SHANK2: variants seen among roughly 807,000 people sequenced by gnomAD.
The protein encoded by SHANK2 is SH3 and multiple ankyrin repeat domains protein 2.
In SHANK2, 43 loss-of-function variants were observed where a neutral mutation model predicts 133.7. The ratio of observed to expected loss-of-function variants is 0.32; its 90% CI spans 0.25 to 0.41. SHANK2 has a LOEUF of 0.41. SHANK2 is among the 10% of genes least tolerant of loss of function. The probability of loss-of-function intolerance (pLI) is 1.00; values close to 1 mark genes in which losing one functional copy is unlikely to be tolerated. For missense variants in SHANK2, 1,994 were observed against 2,235.8 expected, an observed-to-expected ratio of 0.89 and a Z score of 2.18; for synonymous variants, 1,017 against 952.8, an observed-to-expected ratio of 1.07 and a Z score of -1.24.
intron 11 of SHANK2, among the ~76,000 whole-genome samples, chr11:70,881,092 A>C (rs1469688657): frequency 2.0e-5 from 3 of 152,220 alleles, no homozygotes; most frequent in Admixed American, 2.0e-4. Context: ...GGCTGAAGCA[A>C]AGTGGCCCGA....
chr11:70,557,618 A>G (rs1565128032), intron 17 of SHANK2, among the ~76,000 whole-genome samples: 1 of 151,792 alleles, frequency 6.6e-6, no homozygotes, highest in African/African-American at 2.4e-5. Context: ...AAGAGCTGAC[A>G]GTGGGGCCTG....
Position 70,473,577 on chromosome 11 carries a change from G to T in SHANK2, c.4980-138C>A. 2 of 801,190 alleles carry T rather than the reference G, an allele frequency of 2.5e-6. No individual in the cohort carries two copies. The highest frequency in any genetic ancestry group is 4.1e-6 in the Non-Finnish European group (2 of 482,642). The allele number at this position is 801,190 out of a possible 1,614,324, so 49.6% of individuals were successfully genotyped here. On this transcript the variant is annotated intron_variant, in intron 25 of 25. Coordinates refer to ENST00000601538, the MANE Select transcript of SHANK2 (RefSeq NM_012309.5). This position sits in a 1 kb window ranked among gnomAD's most constrained non-coding sequence, Gnocchi z 5.9. ...AGTGGCAGATCCACTGGCAGTGAAC[G>T]AATGATTTGCCATGCCAGGGTGGGG... is the stretch of plus-strand genomic sequence containing the variant.
chr11:70,754,080 G>C (rs1157359804), intron 14 of SHANK2, among the ~76,000 whole-genome samples: 2 of 152,202 alleles, frequency 1.3e-5, no homozygotes, highest in African/African-American at 4.8e-5. Flanking sequence ...CCGAAGTGCT[G>C]GGATTACAGG....
At chr11:70,613,857 C>T (rs1014964444) in intron 17 of SHANK2, among the ~76,000 whole-genome samples, 4 of 149,388 alleles carry the variant, frequency 2.7e-5, no homozygotes, top group Admixed American at 1.3e-4. Flanking sequence ...CTCGGCCTCC[C>T]GGGTTCAAGC....
At chr11:71,237,626 T>A (rs1374562315) in intron 1 of SHANK2, among the ~76,000 whole-genome samples, 1 of 152,182 alleles carries the variant, frequency 6.6e-6, no homozygotes, top group Admixed American at 6.5e-5. Context: ...CCAGATCACA[T>A]CGTGGCACTT....
intron 14 of SHANK2, among the ~76,000 whole-genome samples, chr11:70,701,567 AT>A (rs1470224320): frequency 8.0e-5 from 12 of 150,106 alleles, no homozygotes; most frequent in Non-Finnish European, 1.5e-4. Context: ...CGCCCAGCTA[AT>A]TTTTATATTT....
chr11:70,843,603 A>C (rs1948949045), intron 11 of SHANK2, among the ~76,000 whole-genome samples: 1 of 151,852 alleles, frequency 6.6e-6, no homozygotes, highest in South Asian at 2.1e-4. Flanking sequence ...CTGTGAGGTC[A>C]CAAGGAGAAG....
intron 11 of SHANK2, among the ~76,000 whole-genome samples, chr11:70,873,911 G>A (rs1232592260): frequency 1.3e-5 from 2 of 152,252 alleles, no homozygotes; most frequent in African/African-American, 2.4e-5. Context: ...AACAGCTCCC[G>A]GGCGTCAGTG....
At chr11:70,527,238 ACCCCC>A (rs2059410827) in intron 17 of SHANK2, among the ~76,000 whole-genome samples, 1 of 151,796 alleles carries the variant, frequency 6.6e-6, no homozygotes, top group Non-Finnish European at 1.5e-5. Context: ...CCCTGTCCCC[ACCCCC>A]AGGACTCCTG....
At chr11:70,741,161 G>A (rs950752988) in intron 14 of SHANK2, among the ~76,000 whole-genome samples, 31 of 142,142 alleles carry the variant, frequency 2.2e-4, no homozygotes, top group African/African-American at 5.3e-4. Context: ...CAGAGGTGTC[G>A]CCTACCCATC....
intron 17 of SHANK2, among the ~76,000 whole-genome samples, chr11:70,625,189 C>T (rs1396958213): frequency 3.3e-5 from 5 of 152,134 alleles, no homozygotes; most frequent in African/African-American, 9.7e-5. Flanking sequence ...GGGTGTCTGC[C>T]GTCCTCCCTG....
rs1949675327 is a variant in SHANK2, at chr11:70,882,610, C to T, written c.1174+13891G>A. On this transcript the variant is annotated intron_variant, in intron 11 of 25. Transcript: ENST00000601538. This position sits in a 1 kb window ranked among gnomAD's most constrained non-coding sequence, Gnocchi z 4.2. ...AGTCTGTGCAGAAGCAGGCTTAGGT[C>T]AGAGGTAGGGCAGACCCCAAAACTT... is the stretch of plus-strand genomic sequence containing the variant. 6.6e-6 allele frequency among the ~76,000 whole-genome samples: 1 copy of T among 152,118 alleles called. No homozygotes were observed. The highest frequency in any genetic ancestry group is 6.5e-5 in the Admixed American group (1 of 15,272).
At chr11:70,549,871 C>T (rs977102671) in intron 17 of SHANK2, among the ~76,000 whole-genome samples, 17 of 152,236 alleles carry the variant, frequency 1.1e-4, no homozygotes, top group Admixed American at 5.9e-4. Flanking sequence ...AAGGGGCTTG[C>T]GAAAGACACA....
chr11:70,820,803 G>C (rs1461421944), intron 11 of SHANK2, 121 bp from the exon 12 acceptor site: 3 of 561,120 alleles, frequency 5.3e-6, no homozygotes, highest in Admixed American at 6.3e-5. Context: ...CCAGCAGAGG[G>C]GAGCTGTGAG....
intron 11 of SHANK2, among the ~76,000 whole-genome samples, chr11:70,875,623 G>A (rs892227446): frequency 2.0e-5 from 3 of 152,170 alleles, no homozygotes; most frequent in Admixed American, 2.0e-4. Flanking sequence ...CACTTTGGGA[G>A]GCCAAGGCAA....
At chr11:71,198,042 G>A (rs1953943665) in intron 2 of SHANK2, among the ~76,000 whole-genome samples, 1 of 152,228 alleles carries the variant, frequency 6.6e-6, no homozygotes. Flanking sequence ...TTCACTCTGT[G>A]TGCCGTTTCC....
rs1244043574 is a variant in SHANK2, at chr11:70,479,884, A to G, written c.4979+5430T>C. Among the ~76,000 whole-genome samples, 2 of 152,234 alleles carry G rather than the reference A, an allele frequency of 1.3e-5. No homozygotes were observed. The highest frequency in any genetic ancestry group is 4.8e-5 in the African/African-American group (2 of 41,464). On this transcript the variant is annotated intron_variant, in intron 25 of 25. Coordinates refer to ENST00000601538, the MANE Select transcript of SHANK2 (RefSeq NM_012309.5). This position sits in a 1 kb window ranked among gnomAD's most constrained non-coding sequence, Gnocchi z 4.4. ...AGTTTGTTTTGGGTCAAAGCATATA[A>G]GTCAGGCAAGCTGCTGTGTTCTCCT...
chr11:71,119,179 AAAAT>A (rs1952038992), intron 3 of SHANK2, 147 bp from the exon 4 acceptor site: 1 of 636,036 alleles, frequency 1.6e-6, no homozygotes, highest in Non-Finnish European at 2.7e-6. Context: ...TTCACAGTGA[AAAAT>A]AAAGCCTACT....
At chr11:70,626,236 C>T (rs933326248) in intron 17 of SHANK2, among the ~76,000 whole-genome samples, 1 of 152,224 alleles carries the variant, frequency 6.6e-6, no homozygotes, top group Admixed American at 6.5e-5. Context: ...TCTTTGCAAA[C>T]ATTTCAAACG....
Sources: allele counts gnomAD v4.1 joint callset (sites outside exome capture counted in the v4.1 genomes callset), GRCh38; gene constraint gnomAD v4.1.1; non-coding constraint Gnocchi (gnomAD v3.1); transcripts MANE v1.5; gene names NCBI Gene and HGNC (gene_info 2026-07-23, HGNC 2026-07-21).